Variants in OR5H14 observed in about 807,000 individuals in gnomAD.
OR5H14 encodes the protein olfactory receptor family 5 subfamily H member 14, also known as olfactory receptor 5H14.
For synonymous variants in OR5H14, 155 were observed against 130.6 expected, an observed-to-expected ratio of 1.19 and a Z score of -1.28; for missense variants, 392 against 363.9, an observed-to-expected ratio of 1.08 and a Z score of -0.63.
In OR5H14 at chr3:98,148,819, C is replaced by A. The variant is rs76857063; in HGVS notation, c.-18-549C>A. ...CAATCTATATTTTTCATAAAACACCCTCCCAGATAATTTTTATGTGTGATC... is the reference window on the plus strand; with the variant it reads ...CAATCTATATTTTTCATAAAACACCATCCCAGATAATTTTTATGTGTGATC... On this transcript the variant is annotated intron_variant, in intron 1 of 1. Coordinates refer to ENST00000641380, the MANE Select transcript of OR5H14 (RefSeq NM_001005514.2). Among the ~76,000 whole-genome samples the A allele has an allele frequency of 7.0e-3, 1,058 of 152,038 alleles. 13 individuals carry two copies. The highest frequency in any genetic ancestry group is 0.023 in the African/African-American group (937 of 41,528).
In OR5H14 at chr3:98,155,658, G is replaced by T. The variant is rs150005936; in HGVS notation, c.*5340G>T. ...TCTGGAGTTTCAGCTGCAGTTTGAA[G>T]GAGGAGGACAATTTTACAAGTTTAC... On this transcript the variant is annotated 3_prime_UTR_variant, in exon 2 of 2. Transcript: ENST00000641380. 1,485 of 148,250 alleles carry T rather than the reference G, an allele frequency of 0.01. No homozygotes were observed. Among genetic ancestry groups the T allele is most frequent in the African/African-American group, 0.036 (1,353 of 37,782 alleles). 9.2% of individuals were successfully genotyped at this position (148,250 alleles called of 1,614,324 possible). A position where few individuals can be genotyped will look rare whatever the true frequency, so the allele number is the denominator to read the frequency against.
chr3:98,147,671 G>T (rs1204136581), intron 1 of OR5H14, 117 bp downstream of exon 1: 1 of 152,038 alleles, frequency 6.6e-6, no homozygotes, highest in Non-Finnish European at 1.5e-5. Context: ...CCAGAAGAAA[G>T]TTGGGTAACT....
intron 1 of OR5H14, 191 bp from the exon 2 acceptor site, chr3:98,149,177 C>A: frequency 1.5e-6 from 1 of 645,632 alleles, no homozygotes; most frequent in Non-Finnish European, 2.6e-6. Flanking sequence ...ATGCATATTA[C>A]TACCAAATTT....
Position 98,149,320 on chromosome 3 carries a change from A to C in OR5H14, c.-18-48A>C, listed in dbSNP as rs1346352020. The C allele has an allele frequency of 1.9e-6, 3 of 1,576,912 alleles. No individual in the cohort carries two copies. The African/African-American group carries it at 4.1e-5, about 21-fold the overall frequency. On this transcript the variant is annotated intron_variant, in intron 1 of 1. Coordinates refer to ENST00000641380, the MANE Select transcript of OR5H14 (RefSeq NM_001005514.2). Reference sequence around the variant, plus strand: ...AACACCTCTTTCCCAATTTCAACTCATAATGTCATTGCAGATGTTCCCTTT... The same window carrying C: ...AACACCTCTTTCCCAATTTCAACTCCTAATGTCATTGCAGATGTTCCCTTT...
chr3:98,150,840 A>G lies in OR5H14; in HGVS notation c.*522A>G, dbSNP rs919581774. 2 of 152,354 alleles carry G rather than the reference A, an allele frequency of 1.3e-5. No homozygotes were observed. The highest frequency in any genetic ancestry group is 3.8e-4 in the East Asian group (2 of 5,198). The allele number at this position is 152,354 out of a possible 1,614,324, so 9.4% of individuals were successfully genotyped here. A position where few individuals can be genotyped will look rare whatever the true frequency, so the allele number is the denominator to read the frequency against. ...TAGGAAGTCAACTCATATATCAAAT[A>G]AAGAAGCAGAAATGGAAATGCAATT... is the stretch of plus-strand genomic sequence containing the variant. On this transcript the variant is annotated 3_prime_UTR_variant, in exon 2 of 2. Transcript: ENST00000641380.
chr3:98,150,047 T>A lies in OR5H14; in HGVS notation c.662T>A (p.Val221Asp). The change falls in exon 2 of 2, where the codon GTC becomes GAC. Residue 221 changes from valine to aspartate, a missense_variant. Physicochemically the swap from Val to Asp is radical, Grantham distance 152. Coordinates refer to ENST00000641380, the MANE Select transcript of OR5H14 (RefSeq NM_001005514.2). ...ACTGTTCTTATATCTTACATATTTG[T>A]CCTCTATACAATCTTGAAAAAGAAG... ...IGTVLISYIF[V>D]LYTILKKKSV... is the part of the protein sequence containing the mutation. 1 of 1,612,404 alleles carries A rather than the reference T, an allele frequency of 6.2e-7. No individual in the cohort carries two copies. The highest frequency in any genetic ancestry group is 1.7e-5 in the Admixed American group (1 of 59,686).
Sources: gnomAD v4.1 joint callset for allele counts (sites outside exome capture counted in the v4.1 genomes callset) on GRCh38, gnomAD v4.1.1 for gene constraint, MANE v1.5 for transcripts, NCBI Gene and HGNC (gene_info 2026-07-23, HGNC 2026-07-21) for gene names.